Variants in RPS6KA5 observed in about 807,000 individuals in gnomAD.
The protein encoded by RPS6KA5 is ribosomal protein S6 kinase alpha-5.
In RPS6KA5, 27 loss-of-function variants were observed where a neutral mutation model predicts 85.5. The ratio of observed to expected loss-of-function variants is 0.32; its 90% CI spans 0.23 to 0.44. The LOEUF (loss-of-function observed/expected upper bound fraction) is 0.44, where lower values mean the gene tolerates loss of function less well. Ranked by LOEUF, RPS6KA5 falls within the 20% of genes least tolerant of loss-of-function variation. The pLI, the probability that RPS6KA5 is intolerant of heterozygous loss-of-function variation, is 1.00. For missense variants in RPS6KA5, 811 were observed against 980.9 expected (o/e 0.83, Z 2.31); for synonymous variants, 334 against 348.2 (o/e 0.96, Z 0.46).
rs934784692 is a variant in RPS6KA5 at position 90,848,427 on chromosome 14, C to T, written c.*23647G>A. On this transcript the variant is annotated 3_prime_UTR_variant, in exon 17 of 17. Transcript: ENST00000614987. ...AGCTAGAATAGATTTTAAAAAACTA[C>T]AATAAAGTATATAAATATGAAATTC... 6.6e-6 allele frequency: 1 copy of T among 151,920 alleles called. No homozygotes were observed. The highest frequency in any genetic ancestry group is 1.5e-5 in the Non-Finnish European group (1 of 67,982). 9.4% of individuals were successfully genotyped at this position (151,920 alleles called of 1,614,324 possible).
In RPS6KA5 at chr14:90,857,033, T is replaced by C. The variant is rs930664555; in HGVS notation, c.*15041A>G. On this transcript the variant is annotated 3_prime_UTR_variant, in exon 17 of 17. Transcript: ENST00000614987. ...GGTGCTCAAGATGGCGAATCTGTCC[T>C]CCCAGTGCAGCCTAGTTTCTATGGA... 1 of 152,346 alleles carries C rather than the reference T, an allele frequency of 6.6e-6. No individual in the cohort carries two copies. Among genetic ancestry groups the C allele is most frequent in the African/African-American group, 2.4e-5 (1 of 41,438 alleles). 9.4% of individuals were successfully genotyped at this position (152,346 alleles called of 1,614,324 possible).
chr14:90,927,628 G>T (rs1046211555), intron 5 of RPS6KA5, among the ~76,000 whole-genome samples: 1 of 151,902 alleles, frequency 6.6e-6, no homozygotes, highest in Non-Finnish European at 1.5e-5. Context: ...AATAATAAAA[G>T]GAACATTTCA....
chr14:90,999,503 G>A (rs1462637121), intron 2 of RPS6KA5, among the ~76,000 whole-genome samples: 2 of 152,150 alleles, frequency 1.3e-5, no homozygotes, highest in Non-Finnish European at 2.9e-5. Flanking sequence ...CTGAGAATGG[G>A]GAGGAGGAGG....
intron 3 of RPS6KA5, among the ~76,000 whole-genome samples, chr14:90,961,219 G>GT: frequency 6.6e-6 from 1 of 152,340 alleles, no homozygotes; most frequent in Non-Finnish European, 1.5e-5. Flanking sequence ...ATGCTATGAA[G>GT]TAGGTACTAT....
At position 90,904,997 on chromosome 14, in the gene RPS6KA5, A is replaced by C. The variant is rs531269404; in HGVS notation, c.957+1152T>G. Among the ~76,000 whole-genome samples, 32 of 152,330 alleles carry C rather than the reference A, an allele frequency of 2.1e-4. 1 individual carries two copies. In the Middle Eastern group the frequency reaches 0.014, roughly 65 times the overall value. On this transcript the variant is annotated intron_variant, in intron 8 of 16. Coordinates refer to ENST00000614987, the MANE Select transcript of RPS6KA5 (RefSeq NM_004755.4). The stretch of plus-strand genomic sequence containing the variant: ...GATAAACTTCTGAACAAGATATTTG[A>C]AAGTTTGTTCAAAGAGTAATCCTTC...
chr14:90,993,710 C>G (rs919165871), intron 2 of RPS6KA5, among the ~76,000 whole-genome samples: 1 of 152,098 alleles, frequency 6.6e-6, no homozygotes, highest in East Asian at 1.9e-4. Flanking sequence ...GTCTCATGTT[C>G]ATCAGTTTCT....
intron 5 of RPS6KA5, among the ~76,000 whole-genome samples, chr14:90,940,807 T>G (rs749250937): frequency 1.3e-5 from 2 of 152,146 alleles, no homozygotes; most frequent in Non-Finnish European, 2.9e-5. Flanking sequence ...AGATCAGTGG[T>G]GGCATTAGAT....
In RPS6KA5 at chr14:90,859,804, A is replaced by G. The variant is rs1171164372; in HGVS notation, c.*12270T>C. 6.6e-6 allele frequency: 1 copy of G among 152,230 alleles called. No homozygotes were observed. Among genetic ancestry groups the G allele is most frequent in the Non-Finnish European group, 1.5e-5 (1 of 68,036 alleles). 9.4% of individuals were successfully genotyped at this position (152,230 alleles called of 1,614,324 possible). A position where few individuals can be genotyped will look rare whatever the true frequency, so the allele number is the denominator to read the frequency against. On this transcript the variant is annotated 3_prime_UTR_variant, in exon 17 of 17. Coordinates refer to ENST00000614987, the MANE Select transcript of RPS6KA5 (RefSeq NM_004755.4). ...ATCAACCAACAGATTCAGGAAGTTT[A>G]CCAATCTTAGGATGGATGAAGCTGG...
At chr14:90,949,987 G>GT (rs1264364701) in intron 3 of RPS6KA5, among the ~76,000 whole-genome samples, 1 of 152,186 alleles carries the variant, frequency 6.6e-6, no homozygotes, top group African/African-American at 2.4e-5. Context: ...TGTATACTTT[G>GT]TAAGTTGTAC....
intron 1 of RPS6KA5, among the ~76,000 whole-genome samples, chr14:91,051,304 A>C (rs1595562244): frequency 6.6e-6 from 1 of 151,818 alleles, no homozygotes; most frequent in South Asian, 2.1e-4. Flanking sequence ...ACTAGCCGGG[A>C]ATGGTGGCTC....
At chr14:90,936,855 T>C (rs1333287866) in intron 5 of RPS6KA5, among the ~76,000 whole-genome samples, 1 of 152,128 alleles carries the variant, frequency 6.6e-6, no homozygotes, top group Non-Finnish European at 1.5e-5. Context: ...TATAAAATTG[T>C]GATATACTGA....
intron 1 of RPS6KA5, among the ~76,000 whole-genome samples, chr14:91,013,792 G>A (rs899757001): frequency 3.3e-5 from 5 of 152,216 alleles, no homozygotes; most frequent in Non-Finnish European, 7.3e-5. Context: ...AATTGAGATG[G>A]AAAACAGTGA....
In RPS6KA5 at chr14:90,867,602, T is replaced by C. The variant is rs1008852747; in HGVS notation, c.*4472A>G. ...TCCCACAAGAAATACACCAGGAAAC[T>C]TAAGCCTGATGAATAACTACTAAGA... On this transcript the variant is annotated 3_prime_UTR_variant, in exon 17 of 17. Transcript: ENST00000614987. The C allele has an allele frequency of 6.6e-6, 1 of 152,160 alleles. No homozygotes were observed. Among genetic ancestry groups the C allele is most frequent in the South Asian group, 2.1e-4 (1 of 4,830 alleles). 9.4% of individuals were successfully genotyped at this position (152,160 alleles called of 1,614,324 possible).
intron 2 of RPS6KA5, among the ~76,000 whole-genome samples, chr14:90,986,450 C>T (rs1203037882): frequency 7.1e-6 from 1 of 141,192 alleles, no homozygotes; most frequent in Admixed American, 7.0e-5. Flanking sequence ...GAGCATCTTA[C>T]TAAAAAAAAA....
chr14:90,955,191 T>C (rs1005112873), intron 3 of RPS6KA5, among the ~76,000 whole-genome samples: 1 of 152,212 alleles, frequency 6.6e-6, no homozygotes, highest in Non-Finnish European at 1.5e-5. Flanking sequence ...ATTTCAAATG[T>C]TTCTTGCTTT....
chr14:90,987,237 G>A (rs1300201932), intron 2 of RPS6KA5, among the ~76,000 whole-genome samples: 1 of 152,030 alleles, frequency 6.6e-6, no homozygotes, highest in Non-Finnish European at 1.5e-5. Flanking sequence ...GCTTTTAAAG[G>A]TATTATTTTA....
chr14:90,899,313 A>G lies in RPS6KA5; in HGVS notation c.1473+16T>C. 1.3e-6 allele frequency: 2 copies of G among 1,564,552 alleles called. No individual in the cohort carries two copies. The highest frequency in any genetic ancestry group is 1.7e-6 in the Non-Finnish European group (2 of 1,150,042). The stretch of plus-strand genomic sequence containing the variant: ...ATTAGTACACATGGGAAAAAAAAAA[A>G]AAAAAAGTAGGATACCTGATCATGA... On this transcript the variant is annotated intron_variant, in intron 12 of 16. Coordinates refer to ENST00000614987, the MANE Select transcript of RPS6KA5 (RefSeq NM_004755.4).
At chr14:91,055,323 G>A (rs775076058) in intron 1 of RPS6KA5, among the ~76,000 whole-genome samples, 1 of 152,146 alleles carries the variant, frequency 6.6e-6, no homozygotes, top group Non-Finnish European at 1.5e-5. Flanking sequence ...ACAAAAACTT[G>A]TCCACAAATG....
At chr14:90,984,799 A>G (rs1304175810) in intron 2 of RPS6KA5, among the ~76,000 whole-genome samples, 1 of 152,260 alleles carries the variant, frequency 6.6e-6, no homozygotes, top group Non-Finnish European at 1.5e-5. Flanking sequence ...ACAAGAAGAC[A>G]TCCATGCTGC....
Sources: allele counts gnomAD v4.1 joint callset (sites outside exome capture counted in the v4.1 genomes callset), GRCh38; gene constraint gnomAD v4.1.1; transcripts MANE v1.5; gene names NCBI Gene and HGNC (gene_info 2026-07-23, HGNC 2026-07-21).